PRR16: variants seen among roughly 807,000 people sequenced by gnomAD.
PRR16 encodes the protein protein Largen.
A neutral mutation model predicts 18.2 loss-of-function variants in PRR16; 6 were observed. The observed-to-expected ratio is 0.33, with a 90% CI of 0.18 to 0.65. The LOEUF is 0.65. Ranked by LOEUF, PRR16 falls within the 30% of genes least tolerant of loss-of-function variation. The pLI is 0.74. For missense variants in PRR16, 412 were observed against 376.6 expected (o/e 1.09, Z -0.78); for synonymous variants, 151 against 147.8 (o/e 1.02, Z -0.16).
intron 1 of PRR16, among the ~76,000 whole-genome samples, chr5:120,682,161 A>T (rs1277059222): frequency 6.6e-6 from 1 of 152,054 alleles, no homozygotes; most frequent in Non-Finnish European, 1.5e-5. Context: ...AATCACTCAC[A>T]CTCAGGTGAT....
chr5:120,730,673 C>T, the PRR16 span, among the ~76,000 whole-genome samples: 1 of 151,980 alleles, frequency 6.6e-6, no homozygotes, highest in Non-Finnish European at 1.5e-5. Flanking sequence ...GATTAACTAA[C>T]TTAAGGTAAT....
At chr5:120,709,981 A>C in the PRR16 span, among the ~76,000 whole-genome samples, 1 of 152,114 alleles carries the variant, frequency 6.6e-6, no homozygotes, top group South Asian at 2.1e-4. Flanking sequence ...TATCTTTTGG[A>C]TATATAACCA....
intron 1 of PRR16, among the ~76,000 whole-genome samples, chr5:120,626,838 C>A (rs1054170143): frequency 2.6e-5 from 4 of 152,022 alleles, no homozygotes; most frequent in African/African-American, 7.2e-5. Context: ...AAATAGGAAT[C>A]TTATTTATTT....
chr5:120,775,369 C>T, the PRR16 span, among the ~76,000 whole-genome samples: 1 of 151,356 alleles, frequency 6.6e-6, no homozygotes, highest in Non-Finnish European at 1.5e-5. Context: ...AGGAAATCTT[C>T]CTCACCTCCT....
chr5:120,599,971 C>T (rs963769058), intron 1 of PRR16, among the ~76,000 whole-genome samples: 4 of 151,912 alleles, frequency 2.6e-5, no homozygotes, highest in African/African-American at 9.7e-5. Flanking sequence ...CTGTGAATGA[C>T]TCAAATCCTC....
downstream of PRR16, among the ~76,000 whole-genome samples, chr5:120,691,531 T>C (rs1194950308): frequency 6.6e-6 from 1 of 152,180 alleles, no homozygotes; most frequent in Non-Finnish European, 1.5e-5. Flanking sequence ...CACAGAATTA[T>C]GCCATTGACC....
chr5:120,722,119 T>G, the PRR16 span, among the ~76,000 whole-genome samples: 1 of 151,914 alleles, frequency 6.6e-6, no homozygotes, highest in Non-Finnish European at 1.5e-5. Context: ...TGAGAGAATG[T>G]GGTTTGGTTT....
chr5:120,667,102 G>T (rs1756408412), intron 1 of PRR16, among the ~76,000 whole-genome samples: 1 of 152,098 alleles, frequency 6.6e-6, no homozygotes, highest in Non-Finnish European at 1.5e-5. Context: ...ACTCCTTTTG[G>T]TTGGTAAGCT....
the PRR16 span, among the ~76,000 whole-genome samples, chr5:120,781,965 C>T: frequency 6.6e-6 from 1 of 150,640 alleles, no homozygotes; most frequent in Non-Finnish European, 1.5e-5. Flanking sequence ...AAAACTTTAA[C>T]AAGTGGGTAT....
the PRR16 span, among the ~76,000 whole-genome samples, chr5:120,702,966 C>T: frequency 6.6e-6 from 1 of 152,268 alleles, no homozygotes; most frequent in South Asian, 2.1e-4. Flanking sequence ...AAATTTCATG[C>T]ACGTCCGTGT....
At chr5:120,471,964 T>A (rs951568054) in intron 1 of PRR16, among the ~76,000 whole-genome samples, 6 of 152,100 alleles carry the variant, frequency 3.9e-5, no homozygotes, top group Non-Finnish European at 8.8e-5. Flanking sequence ...ACATGAGGAT[T>A]CCAAAGAATT....
chr5:120,523,930 G>A (rs1228723708), intron 1 of PRR16, among the ~76,000 whole-genome samples: 1 of 152,174 alleles, frequency 6.6e-6, no homozygotes, highest in Non-Finnish European at 1.5e-5. Context: ...GAAAAGCAGA[G>A]AGGGAAGAAT....
chr5:120,713,444 A>G, the PRR16 span, among the ~76,000 whole-genome samples: 1 of 152,220 alleles, frequency 6.6e-6, no homozygotes, highest in Non-Finnish European at 1.5e-5. Context: ...AAGAAATAGT[A>G]AATATAAAGT....
intron 1 of PRR16, among the ~76,000 whole-genome samples, chr5:120,541,202 A>C (rs1751903522): frequency 1.3e-5 from 2 of 152,166 alleles, no homozygotes. Context: ...GTTGGAGAGC[A>C]GTAGCGCAAT....
intron 1 of PRR16, among the ~76,000 whole-genome samples, chr5:120,629,158 T>C (rs908273055): frequency 1.2e-4 from 18 of 152,196 alleles, no homozygotes; most frequent in African/African-American, 4.1e-4. Context: ...TCTATGTTAG[T>C]TTGATTAGGA....
chr5:120,474,465 C>T (rs1749372104), intron 1 of PRR16, among the ~76,000 whole-genome samples: 1 of 152,138 alleles, frequency 6.6e-6, no homozygotes, highest in Admixed American at 6.5e-5. Flanking sequence ...AGAACTACTG[C>T]TCTTGCTCTT....
intron 1 of PRR16, among the ~76,000 whole-genome samples, chr5:120,656,980 C>G (rs1249021948): frequency 6.6e-6 from 1 of 151,924 alleles, no homozygotes; most frequent in Non-Finnish European, 1.5e-5. Context: ...TGAGAAATGT[C>G]TGCATTTAAC....
rs1446842556 is a variant in PRR16 at position 120,676,600 on chromosome 5, TTAAA to T, written c.160-9350_160-9347del. ...AATATATCAAGGAAAAAAGAAAGAG[TTAAA>T]TAATACAATTATGGTGCTTGAGATG... is the stretch of plus-strand genomic sequence containing the variant. On this transcript the variant is annotated intron_variant, in intron 1 of 1. Transcript: ENST00000407149. Among the ~76,000 whole-genome samples the T allele has an allele frequency of 6.0e-5, 9 of 151,106 alleles. No individual in the cohort carries two copies. The East Asian group carries it at 1.8e-3, about 29-fold the overall frequency.
intron 1 of PRR16, 77 bp from the exon 2 acceptor site, chr5:120,685,877 C>G: frequency 7.0e-7 from 1 of 1,433,674 alleles, no homozygotes; most frequent in Non-Finnish European, 9.4e-7. Flanking sequence ...CAGATTTCCC[C>G]TAGACAAAAA....
Sources: gnomAD v4.1 joint callset for allele counts (sites outside exome capture counted in the v4.1 genomes callset) on GRCh38, gnomAD v4.1.1 for gene constraint, MANE v1.5 for transcripts, NCBI Gene and HGNC (gene_info 2026-07-23, HGNC 2026-07-21) for gene names.